Variants in PBX1 observed in about 807,000 individuals in gnomAD.
The protein encoded by PBX1 is PBX homeobox 1.
A neutral mutation model predicts 53.4 loss-of-function variants in PBX1; 6 were observed. The observed-to-expected ratio is 0.11, with a 90% CI of 0.06 to 0.22. The LOEUF (loss-of-function observed/expected upper bound fraction) is 0.22. PBX1 is among the 10% of genes least tolerant of loss of function. The pLI, the probability that PBX1 is intolerant of heterozygous loss-of-function variation, is 1.00. For synonymous variants in PBX1, 204 were observed against 212.3 expected (o/e 0.96, Z 0.34); for missense variants, 251 against 551.4 (o/e 0.46, Z 5.46).
chr1:164,612,597 A>G (rs1657011718), intron 2 of PBX1, among the ~76,000 whole-genome samples: 1 of 152,154 alleles, frequency 6.6e-6, no homozygotes, highest in Admixed American at 6.5e-5. Flanking sequence ...AAAATGTCAG[A>G]AAAGTCCCAT....
chr1:164,625,944 G>A, intron 2 of PBX1: 1 of 1,034,970 alleles, frequency 9.7e-7, no homozygotes, highest in Non-Finnish European at 1.2e-6. Context: ...AAGGAGGCCA[G>A]GAGTCGGAAC....
chr1:164,778,513 T>G (rs2102268159), intron 2 of PBX1, among the ~76,000 whole-genome samples: 1 of 152,160 alleles, frequency 6.6e-6, no homozygotes, highest in East Asian at 1.9e-4. Context: ...AGTGTGTGCC[T>G]GTAGTCCCAG....
chr1:164,776,978 A>AGAGGGGGGGTGGGGGGGGG (rs1553244687), intron 2 of PBX1, among the ~76,000 whole-genome samples: 1 of 46,444 alleles, frequency 2.2e-5, no homozygotes, highest in African/African-American at 1.2e-4. Flanking sequence ...AGAGAGAGAG[A>AGAGGGGGGGTGGGGGGGGG]GGAGGTGTGG....
rs143146027 is a variant in PBX1 at position 164,734,905 on chromosome 1, A to T, written c.266-57589A>T. Among the ~76,000 whole-genome samples the T allele has an allele frequency of 2.4e-3, 363 of 152,296 alleles. 4 individuals are homozygous for T. The highest frequency in any genetic ancestry group is 8.3e-3 in the African/African-American group (346 of 41,570). ...TATGGAATAAAGAGATAATATTATGACTTATTATTTTCCAAGCTGGATAGA... is the reference window on the plus strand; with the variant it reads ...TATGGAATAAAGAGATAATATTATGTCTTATTATTTTCCAAGCTGGATAGA... On this transcript the variant is annotated intron_variant, in intron 2 of 8. Coordinates refer to ENST00000420696, the MANE Select transcript of PBX1 (RefSeq NM_002585.4).
intron 2 of PBX1, among the ~76,000 whole-genome samples, chr1:164,596,849 T>C (rs1387757553): frequency 6.6e-6 from 1 of 152,080 alleles, no homozygotes; most frequent in South Asian, 2.1e-4. Context: ...TTACTTCTTA[T>C]GTTGTTCAGT....
At position 164,750,689 on chromosome 1, in the gene PBX1, G is replaced by T. The variant is rs529880940; in HGVS notation, c.266-41805G>T. 2.6e-5 allele frequency among the ~76,000 whole-genome samples: 4 copies of T among 152,280 alleles called. No individual in the cohort carries two copies. The South Asian group carries it at 8.3e-4, about 32-fold the overall frequency. Reference sequence around the variant, plus strand: ...TTCATTGTTCTTTTTCTTTGTTTCAGTGGGTTCTTTTTAAAAACCATTTCT... The same window carrying T: ...TTCATTGTTCTTTTTCTTTGTTTCATTGGGTTCTTTTTAAAAACCATTTCT... On this transcript the variant is annotated intron_variant, in intron 2 of 8. Transcript: ENST00000420696.
chr1:164,790,621 T>C (rs1446068479), intron 2 of PBX1, among the ~76,000 whole-genome samples: 1 of 152,198 alleles, frequency 6.6e-6, no homozygotes, highest in Non-Finnish European at 1.5e-5. Context: ...CTCTTTGCTC[T>C]TTATGGCCAC....
chr1:164,700,770 G>A (rs1686182), intron 2 of PBX1: 244,427 of 979,204 alleles, frequency 0.25, 31,115 homozygotes, highest in East Asian at 0.47. Flanking sequence ...TTTCCCTTGT[G>A]TTGGGTTTCT....
At position 164,565,879 on chromosome 1, in the gene PBX1, T is replaced by G. The variant is rs992091026; in HGVS notation, c.265+2568T>G. On this transcript the variant is annotated intron_variant, in intron 2 of 8. Transcript: ENST00000420696. ...TTGTTACTTTCAAGCCTTTTTGCAT[T>G]AAATGAGTATTTTTGAGTTTCCATC... Among the ~76,000 whole-genome samples the G allele has an allele frequency of 1.6e-4, 25 of 152,168 alleles. No individual in the cohort carries two copies. The East Asian group carries it at 4.8e-3, about 29-fold the overall frequency.
intron 2 of PBX1, among the ~76,000 whole-genome samples, chr1:164,567,753 A>C (rs750180547): frequency 2.6e-5 from 4 of 152,214 alleles, no homozygotes; most frequent in Non-Finnish European, 2.9e-5. Flanking sequence ...TGAGAAGTGC[A>C]AAGAGCAATT....
At chr1:164,634,954 G>A (rs1414305869) in intron 2 of PBX1, among the ~76,000 whole-genome samples, 2 of 152,064 alleles carry the variant, frequency 1.3e-5, no homozygotes, top group African/African-American at 2.4e-5. Flanking sequence ...AAGGGGCCAT[G>A]TTGCCTGCCT....
intron 8 of PBX1, chr1:164,828,623 A>C (rs1412916253): frequency 6.6e-6 from 1 of 151,752 alleles, no homozygotes; most frequent in Non-Finnish European, 1.5e-5. Context: ...TTCCAGACTC[A>C]AGTTGGTCCC....
intron 2 of PBX1, among the ~76,000 whole-genome samples, chr1:164,569,564 A>ATTTTTT (rs71097535): frequency 5.1e-5 from 4 of 78,186 alleles, no homozygotes; most frequent in Admixed American, 1.7e-4. Flanking sequence ...TTTTCCTTGC[A>ATTTTTT]TTTTTTTTTT....
chr1:164,598,429 A>G (rs1006375364), intron 2 of PBX1, among the ~76,000 whole-genome samples: 6 of 152,006 alleles, frequency 3.9e-5, no homozygotes, highest in Admixed American at 3.3e-4. Context: ...ATTGTCTTCC[A>G]TTGTCTTAGG....
chr1:164,760,887 T>C (rs1369810999), intron 2 of PBX1, among the ~76,000 whole-genome samples: 2 of 152,222 alleles, frequency 1.3e-5, no homozygotes, highest in Non-Finnish European at 2.9e-5. Context: ...CCCAATTAGA[T>C]TGCTCCTTAG....
rs548494059 is a variant in PBX1 at position 164,822,972 on chromosome 1, A to G, written c.1200+1346A>G. Among the ~76,000 whole-genome samples the G allele has an allele frequency of 2.8e-3, 426 of 152,286 alleles. 2 individuals are homozygous for G. Among genetic ancestry groups the G allele is most frequent in the African/African-American group, 9.6e-3 (401 of 41,568 alleles). On this transcript the variant is annotated intron_variant, in intron 8 of 8. Transcript: ENST00000420696. ...AGGATGTTGCAGAAGGAAGTCAGGC[A>G]GCAGATTTTGATTGTCTTGATGACT...
chr1:164,702,593 G>T (rs188843513), intron 2 of PBX1, among the ~76,000 whole-genome samples: 1 of 152,124 alleles, frequency 6.6e-6, no homozygotes, highest in African/African-American at 2.4e-5. Flanking sequence ...AGGGTGTCAC[G>T]CATGTGCTTG....
At chr1:164,709,796 T>G (rs1663648923) in intron 2 of PBX1, among the ~76,000 whole-genome samples, 1 of 152,226 alleles carries the variant, frequency 6.6e-6, no homozygotes. Flanking sequence ...TTGAATTTGA[T>G]ATTATTGCAG....
chr1:164,665,285 TTTA>T (rs1488453520), intron 2 of PBX1, among the ~76,000 whole-genome samples: 1 of 152,164 alleles, frequency 6.6e-6, no homozygotes, highest in African/African-American at 2.4e-5. Flanking sequence ...TTTATTTTAT[TTTA>T]TTGATTTACT....
Sources: allele counts gnomAD v4.1 joint callset (sites outside exome capture counted in the v4.1 genomes callset), GRCh38; gene constraint gnomAD v4.1.1; transcripts MANE v1.5; gene names NCBI Gene and HGNC (gene_info 2026-07-23, HGNC 2026-07-21).